NF1: variants seen among roughly 807,000 people sequenced by gnomAD.
NF1 encodes neurofibromin.
In NF1, 122 loss-of-function variants were observed where a neutral mutation model predicts 325.7. The observed-to-expected ratio is 0.37, with a 90% CI of 0.32 to 0.44. The LOEUF is 0.44. Ranked by LOEUF, NF1 falls within the 20% of genes least tolerant of loss-of-function variation. NF1 has a pLI of 1.00. For missense variants in NF1, 2,140 were observed against 3,415.4 expected, an observed-to-expected ratio of 0.63 and a Z score of 9.31; for synonymous variants, 1,091 against 1,186.0, an observed-to-expected ratio of 0.92 and a Z score of 1.65.
At chr17:31,245,733 C>T (rs1324726292) in intron 29 of NF1, among the ~76,000 whole-genome samples, 1 of 152,198 alleles carries the variant, frequency 6.6e-6, no homozygotes, top group East Asian at 1.9e-4. Context: ...CCAGGCACCT[C>T]TATGTGTTCG....
intron 2 of NF1, among the ~76,000 whole-genome samples, chr17:31,156,934 ACT>A (rs1429476306): frequency 1.3e-5 from 2 of 152,096 alleles, no homozygotes; most frequent in African/African-American, 4.8e-5. Context: ...TTCTTGATTA[ACT>A]CTGAACTCTC....
In NF1 at chr17:31,254,598, T is replaced by C. The variant is rs969005915; in HGVS notation, c.4173+1598T>C. ...CTTCTAACACTCTTGTTCAGTGTTATACTAATGCCATTTTGTAGTGTATCA... is the reference window on the plus strand; with the variant it reads ...CTTCTAACACTCTTGTTCAGTGTTACACTAATGCCATTTTGTAGTGTATCA... On this transcript the variant is annotated intron_variant, in intron 31 of 57. Transcript: ENST00000358273. Among the ~76,000 whole-genome samples, 3 of 152,204 alleles carry C rather than the reference T, an allele frequency of 2.0e-5. No homozygotes were observed. In the South Asian group the frequency reaches 6.2e-4, roughly 31 times the overall value.
At chr17:31,164,705 C>G (rs1485378813) in intron 4 of NF1, among the ~76,000 whole-genome samples, 1 of 152,156 alleles carries the variant, frequency 6.6e-6, no homozygotes. Flanking sequence ...AATTGATTAA[C>G]TTCAGAGTCC....
chr17:31,118,123 T>A (rs1914112989), intron 1 of NF1, among the ~76,000 whole-genome samples: 1 of 152,222 alleles, frequency 6.6e-6, no homozygotes, highest in South Asian at 2.1e-4. Flanking sequence ...TATTAAATTT[T>A]GGTATATGTT....
intron 36 of NF1, among the ~76,000 whole-genome samples, chr17:31,276,891 A>T (rs553069765): frequency 3.9e-4 from 59 of 151,920 alleles, no homozygotes; most frequent in Non-Finnish European, 7.9e-4. Flanking sequence ...TCTCCACGCA[A>T]TGGAAAATCT....
Position 31,330,497 on chromosome 17 carries a change from T to C in NF1, c.5811T>C (p.Ser1937=), listed in dbSNP as rs2151545006. The C allele has an allele frequency of 6.3e-7, 1 of 1,595,842 alleles. No homozygotes were observed. ...LEECISGFSK[S]SIELKHLCLE... ...AGTGTATTTCTGGATTTAGCAAATC[T>C]AGTAAGTAATGATAATTTTCTTTAA... The change falls in exon 39 of 58, where the codon TCT becomes TCC. Residue 1937 remains serine (S), a splice_region_variant and synonymous_variant. Coordinates refer to ENST00000358273, the MANE Select transcript of NF1 (RefSeq NM_001042492.3).
At chr17:31,277,844 C>T (rs12940303) in intron 36 of NF1, among the ~76,000 whole-genome samples, 80,049 of 152,082 alleles carry the variant, frequency 0.53, 25,048 homozygotes, top group Middle Eastern at 0.75. Context: ...ATCACACTGT[C>T]TCTTAAGAGT....
chr17:31,319,138 C>G (rs2069110461), intron 36 of NF1: 5 of 1,037,538 alleles, frequency 4.8e-6, no homozygotes, highest in Non-Finnish European at 5.6e-6. Context: ...AAGCTTATGC[C>G]TAATATTCGC....
intron 36 of NF1, among the ~76,000 whole-genome samples, chr17:31,291,586 T>C (rs2068344409): frequency 6.6e-6 from 1 of 152,240 alleles, no homozygotes; most frequent in African/African-American, 2.4e-5. Context: ...TACATTCTTT[T>C]ATCTAGTTCT....
At chr17:31,114,911 C>A (rs1002980798) in intron 1 of NF1, among the ~76,000 whole-genome samples, 1 of 152,070 alleles carries the variant, frequency 6.6e-6, no homozygotes, top group African/African-American at 2.4e-5. Flanking sequence ...TGTGTGCATG[C>A]CTGTGGCTGT....
At chr17:31,116,276 T>C (rs765765398) in intron 1 of NF1, among the ~76,000 whole-genome samples, 2 of 152,154 alleles carry the variant, frequency 1.3e-5, no homozygotes, top group Non-Finnish European at 2.9e-5. Context: ...TCATTGAACG[T>C]TTTAGGGAAA....
chr17:31,324,081 T>A (rs764159404), intron 36 of NF1, among the ~76,000 whole-genome samples: 3 of 152,226 alleles, frequency 2.0e-5, no homozygotes, highest in Non-Finnish European at 4.4e-5. Context: ...TTTTTGTTTT[T>A]GTTTTTGTTG....
chr17:31,129,995 C>G (rs1463831835), intron 1 of NF1, among the ~76,000 whole-genome samples: 1 of 149,974 alleles, frequency 6.7e-6, no homozygotes, highest in Non-Finnish European at 1.5e-5. Context: ...GATGCTCTGG[C>G]TTTTTGAGTC....
chr17:31,235,634 T>A lies in NF1; in HGVS notation c.3732T>A (p.Val1244=), dbSNP rs756653022. ...SQWDELARVL[V]TLFDSRHLLY... is the part of the protein sequence containing the mutation. ...AGGATGAACTAGCTCGAGTTCTGGT[T>A]ACTCTGTTTGATTCTCGGCATTTAC... The change falls in exon 28 of 58, where the codon GTT becomes GTA. Residue 1244 remains valine, a synonymous_variant. Coordinates refer to ENST00000358273, the MANE Select transcript of NF1 (RefSeq NM_001042492.3). 21 of 1,614,040 alleles carry A rather than the reference T, an allele frequency of 1.3e-5. No homozygotes were observed. The highest frequency in any genetic ancestry group is 1.7e-5 in the Non-Finnish European group (20 of 1,180,024).
chr17:31,175,746 A>T (rs2066011147), intron 5 of NF1, among the ~76,000 whole-genome samples: 1 of 152,012 alleles, frequency 6.6e-6, no homozygotes, highest in South Asian at 2.1e-4. Flanking sequence ...CTTATGGTTC[A>T]TCTCCCACTT....
intron 12 of NF1, among the ~76,000 whole-genome samples, chr17:31,209,380 T>C (rs2066682988): frequency 6.6e-6 from 1 of 152,188 alleles, no homozygotes; most frequent in Non-Finnish European, 1.5e-5. Flanking sequence ...TTACTAACAC[T>C]TTGTATTTTG....
In NF1 at chr17:31,358,591, C is replaced by A. The variant is rs1597868236; in HGVS notation, c.8082C>A (p.Ser2694=). The A allele has an allele frequency of 6.2e-7, 1 of 1,613,824 alleles. No homozygotes were observed. Among genetic ancestry groups the A allele is most frequent in the Non-Finnish European group, 8.5e-7 (1 of 1,179,864 alleles). Residue 2694 remains serine (S), a synonymous_variant, in exon 55 of 58, where the codon TCC becomes TCA. Transcript: ENST00000358273. ...IVQSVVYHEE[S]PPQYQTSYLQ... Reference sequence around the variant, plus strand: ...AGAGTGTGGTGTACCATGAAGAATCCCCACCACAATACCAAACATCTTACC... The same window carrying A: ...AGAGTGTGGTGTACCATGAAGAATCACCACCACAATACCAAACATCTTACC...
chr17:31,114,795 AG>A (rs1421727339), intron 1 of NF1, among the ~76,000 whole-genome samples: 1 of 152,126 alleles, frequency 6.6e-6, no homozygotes, highest in Non-Finnish European at 1.5e-5. Flanking sequence ...TGGAAGTTGC[AG>A]TGAGCCAAGA....
intron 5 of NF1, among the ~76,000 whole-genome samples, chr17:31,175,107 C>CAAAAAAAA (rs1171161386): frequency 1.4e-4 from 4 of 29,032 alleles, no homozygotes; most frequent in Admixed American, 1.2e-3. Context: ...GACTCCATCT[C>CAAAAAAAA]AAAAAAAAAA....
Sources: gnomAD v4.1 joint callset for allele counts (sites outside exome capture counted in the v4.1 genomes callset) on GRCh38, gnomAD v4.1.1 for gene constraint, MANE v1.5 for transcripts, NCBI Gene and HGNC (gene_info 2026-07-23, HGNC 2026-07-21) for gene names.